CDKL5: variants seen among roughly 807,000 people sequenced by gnomAD.
The protein encoded by CDKL5 is cyclin dependent kinase like 5, also known as cyclin-dependent kinase-like 5.
A neutral mutation model predicts 61.7 loss-of-function variants in CDKL5; 8 were observed. That is an observed-to-expected ratio of 0.13 (90% CI 0.08 to 0.23). The LOEUF is 0.23. Among genes scored for constraint, CDKL5 ranks in the 10% least tolerant of loss-of-function variants. The pLI, the probability that CDKL5 is intolerant of heterozygous loss-of-function variation, is 1.00. For missense variants in CDKL5, 440 were observed against 734.5 expected (o/e 0.60, Z 4.63); for synonymous variants, 275 against 272.3 (o/e 1.01, Z -0.10).
intron 19 of CDKL5, among the ~76,000 whole-genome samples, chrX:18,645,757 CAG>C (rs1315398484): frequency 1.8e-5 from 2 of 110,781 alleles, no homozygotes. Context: ...ATTTATCCGG[CAG>C]AGTCTGCTAA....
intron 3 of CDKL5, among the ~76,000 whole-genome samples, chrX:18,553,465 CGTGTGTGTGTGT>C (rs201802099): frequency 0.026 from 2,403 of 90,786 alleles, 66 homozygotes; most frequent in East Asian, 0.18. Flanking sequence ...TGTGTGTGTG[CGTGTGTGTGTGT>C]GTGTGTGTGT....
At chrX:18,649,371 G>A (rs1434408856) in intron 20 of CDKL5, among the ~76,000 whole-genome samples, 1 of 111,719 alleles carries the variant, frequency 9.0e-6, no homozygotes, top group African/African-American at 3.3e-5. Flanking sequence ...GTTTTCTGAT[G>A]ATGAATGATA....
At chrX:18,623,433 A>T (rs977392051) in intron 16 of CDKL5, among the ~76,000 whole-genome samples, 2 of 110,889 alleles carry the variant, frequency 1.8e-5, no homozygotes, top group African/African-American at 6.6e-5. Context: ...GTATGTTGGG[A>T]TTTTTTTTCT....
intron 1 of CDKL5, among the ~76,000 whole-genome samples, chrX:18,472,915 C>T (rs567304914): frequency 9.2e-6 from 1 of 108,994 alleles, no homozygotes; most frequent in African/African-American, 3.3e-5. Context: ...GCCTCTTTCC[C>T]ATTTAATTTT....
chrX:18,610,408 TTCTG>T (rs1457294411), intron 14 of CDKL5, among the ~76,000 whole-genome samples: 1 of 112,672 alleles, frequency 8.9e-6, no homozygotes, highest in Non-Finnish European at 1.9e-5. Context: ...TTCTTCTCCG[TTCTG>T]TCTGTCGTAC....
chrX:18,460,440 A>G (rs911871542), intron 1 of CDKL5, among the ~76,000 whole-genome samples: 3 of 111,967 alleles, frequency 2.7e-5, no homozygotes, highest in Non-Finnish European at 5.6e-5. Flanking sequence ...ATTGAACCTG[A>G]GATTTGGGTG....
Position 18,638,384 on chromosome X carries a change from A to G in CDKL5, c.*9627A>G, listed in dbSNP as rs1927459220. The G allele has an allele frequency of 2.7e-5, 3 of 112,275 alleles. No individual in the cohort carries two copies. Among genetic ancestry groups the G allele is most frequent in the Non-Finnish European group, 5.6e-5 (3 of 53,289 alleles). 9.3% of individuals were successfully genotyped at this position (112,275 alleles called of 1,213,427 possible). A position where few individuals can be genotyped will look rare whatever the true frequency, so the allele number is the denominator to read the frequency against. Reference sequence around the variant, plus strand: ...AGACCGTGCTCTAGCATTTCTAAAAATAAAAGTAAATATGTTAAAATAAGG... The same window carrying G: ...AGACCGTGCTCTAGCATTTCTAAAAGTAAAAGTAAATATGTTAAAATAAGG... On this transcript the variant is annotated 3_prime_UTR_variant, in exon 18 of 18. Coordinates refer to ENST00000623535, the MANE Select transcript of CDKL5 (RefSeq NM_001323289.2).
At chrX:18,625,758 A>G (rs1269170713) in intron 17 of CDKL5, among the ~76,000 whole-genome samples, 2 of 112,172 alleles carry the variant, frequency 1.8e-5, no homozygotes, top group African/African-American at 3.2e-5. Context: ...GGAACTACAT[A>G]TTAGACTGTA....
At chrX:18,468,138 T>G (rs1260089946) in intron 1 of CDKL5, among the ~76,000 whole-genome samples, 1 of 111,712 alleles carries the variant, frequency 9.0e-6, no homozygotes, top group Non-Finnish European at 1.9e-5. Context: ...ATATTTCAAT[T>G]CAGTATGTAG....
chrX:18,574,917 C>T (rs971371045), intron 4 of CDKL5, among the ~76,000 whole-genome samples: 3 of 111,939 alleles, frequency 2.7e-5, no homozygotes, highest in South Asian at 3.7e-4. Flanking sequence ...CTACAGATGC[C>T]GGCTGCATAG....
intron 1 of CDKL5, among the ~76,000 whole-genome samples, chrX:18,443,275 G>T (rs1267883940): frequency 8.9e-6 from 1 of 111,817 alleles, no homozygotes; most frequent in Non-Finnish European, 1.9e-5. Flanking sequence ...TGTTGAGCTG[G>T]GTCCAGAATT....
intron 1 of CDKL5, among the ~76,000 whole-genome samples, chrX:18,432,603 CTTT>C (rs778402912): frequency 2.2e-5 from 2 of 89,957 alleles, no homozygotes; most frequent in African/African-American, 4.0e-5. Context: ...TAAAAGATGT[CTTT>C]TTTTTTTTTT....
At chrX:18,643,990 G>A (rs1927676042), downstream of CDKL5, among the ~76,000 whole-genome samples, 1 of 110,909 alleles carries the variant, frequency 9.0e-6, no homozygotes, top group Admixed American at 9.6e-5. Context: ...TTGGCTAATG[G>A]GTAACTTGCT....
intron 15 of CDKL5, among the ~76,000 whole-genome samples, chrX:18,619,170 T>G (rs763339724): frequency 1.1e-4 from 12 of 106,563 alleles, no homozygotes; most frequent in Admixed American, 3.1e-4. Context: ...TTTTTTTTTT[T>G]TTTTTAAAGA....
chrX:18,458,587 GT>G (rs745708161), intron 1 of CDKL5, among the ~76,000 whole-genome samples: 1 of 111,733 alleles, frequency 8.9e-6, no homozygotes, highest in African/African-American at 3.2e-5. Context: ...CATGCCTGTA[GT>G]TCCAGCTACT....
intron 4 of CDKL5, among the ~76,000 whole-genome samples, chrX:18,566,301 G>A (rs1202830178): frequency 9.0e-6 from 1 of 111,133 alleles, no homozygotes; most frequent in African/African-American, 3.3e-5. Context: ...ACAGGTGTGC[G>A]CCACCATGCC....
chrX:18,548,564 G>A (rs1191132014), intron 3 of CDKL5, among the ~76,000 whole-genome samples: 1 of 112,573 alleles, frequency 8.9e-6, no homozygotes, highest in Non-Finnish European at 1.9e-5. Flanking sequence ...GCAAAACGCT[G>A]TGACTTGGAA....
At chrX:18,555,959 T>A (rs1924588548) in intron 3 of CDKL5, among the ~76,000 whole-genome samples, 2 of 112,143 alleles carry the variant, frequency 1.8e-5, no homozygotes. Flanking sequence ...AGTTTTCAAA[T>A]AACAAATAAT....
chrX:18,442,180 A>G (rs973913743), intron 1 of CDKL5: 10 of 111,438 alleles, frequency 9.0e-5, no homozygotes, highest in African/African-American at 3.3e-4. Flanking sequence ...TTGCATCACA[A>G]TGAGCCTACC....
Sources: allele counts gnomAD v4.1 joint callset (sites outside exome capture counted in the v4.1 genomes callset), GRCh38; gene constraint gnomAD v4.1.1; transcripts MANE v1.5; gene names NCBI Gene and HGNC (gene_info 2026-07-23, HGNC 2026-07-21).